Variants in SCAPER observed in about 807,000 individuals in gnomAD.
SCAPER encodes the protein S-phase cyclin A associated protein in the ER.
Under a neutral mutation model 182.2 loss-of-function variants are expected in SCAPER, and 98 were observed. That is an observed-to-expected ratio of 0.54 (90% confidence interval 0.46 to 0.64). The LOEUF (loss-of-function observed/expected upper bound fraction) is 0.64, where lower values mean the gene tolerates loss of function less well. Ranked by LOEUF, SCAPER falls within the 30% of genes least tolerant of loss-of-function variation. The pLI is 0.00. For synonymous variants in SCAPER, 605 were observed against 564.6 expected, an observed-to-expected ratio of 1.07 and a Z score of -1.01; for missense variants, 1,432 against 1,690.0, an observed-to-expected ratio of 0.85 and a Z score of 2.68.
chr15:76,670,174 T>C (rs1382317159), intron 20 of SCAPER, among the ~76,000 whole-genome samples: 5 of 151,874 alleles, frequency 3.3e-5, no homozygotes, highest in Non-Finnish European at 7.4e-5. Flanking sequence ...GTGTTCATTA[T>C]ACAAAATATA....
chr15:76,800,242 T>C lies in SCAPER; in HGVS notation c.611+6A>G, dbSNP rs1165354748. ...GTCTTAGTAGTTTTTTCTTAGTTCA[T>C]CTCACCCAAAATTTAAGCTTCGTCG... On this transcript the variant is annotated splice_donor_region_variant and intron_variant, in intron 7 of 31. Transcript: ENST00000563290. 6.4e-7 allele frequency: 1 copy of C among 1,555,082 alleles called. No individual in the cohort carries two copies. Among genetic ancestry groups the C allele is most frequent in the Admixed American group, 1.7e-5 (1 of 58,826 alleles).
At chr15:76,519,069 A>G (rs1013968715) in intron 23 of SCAPER, among the ~76,000 whole-genome samples, 1 of 152,222 alleles carries the variant, frequency 6.6e-6, no homozygotes, top group Non-Finnish European at 1.5e-5. Flanking sequence ...AACTCAGAAG[A>G]GTCGTTAAGC....
At chr15:76,569,666 C>T (rs767097892) in intron 23 of SCAPER, among the ~76,000 whole-genome samples, 6 of 152,058 alleles carry the variant, frequency 3.9e-5, no homozygotes, top group Non-Finnish European at 7.4e-5. Flanking sequence ...TCTAATTATA[C>T]ATAAATTAGA....
At chr15:76,615,357 G>T (rs1430905017) in intron 22 of SCAPER, among the ~76,000 whole-genome samples, 2 of 151,504 alleles carry the variant, frequency 1.3e-5, no homozygotes, top group African/African-American at 4.9e-5. Context: ...GAAGTGGGAG[G>T]ATCCTTTGAA....
intron 22 of SCAPER, among the ~76,000 whole-genome samples, chr15:76,618,558 TA>T: frequency 6.6e-6 from 1 of 152,312 alleles, no homozygotes; most frequent in African/African-American, 2.4e-5. Context: ...TTTCCATTTA[TA>T]AAAGTCTTTT....
chr15:76,844,004 C>T (rs985224181), intron 4 of SCAPER, among the ~76,000 whole-genome samples: 1 of 152,004 alleles, frequency 6.6e-6, no homozygotes, highest in Non-Finnish European at 1.5e-5. Flanking sequence ...ATTACCAGTA[C>T]TAATATTATC....
intron 24 of SCAPER, among the ~76,000 whole-genome samples, chr15:76,483,294 G>GC (rs1470883446): frequency 1.8e-4 from 7 of 39,400 alleles, no homozygotes; most frequent in African/African-American, 3.9e-4. Flanking sequence ...ATATTCACAT[G>GC]CAAAAAAAAA....
At chr15:76,721,568 T>C (rs1458396546) in intron 17 of SCAPER, among the ~76,000 whole-genome samples, 1 of 152,098 alleles carries the variant, frequency 6.6e-6, no homozygotes. Context: ...GCATGGAATG[T>C]TCTTCCATTT....
intron 22 of SCAPER, among the ~76,000 whole-genome samples, chr15:76,603,785 T>C (rs1318888947): frequency 8.2e-6 from 1 of 122,500 alleles, no homozygotes; most frequent in African/African-American, 2.5e-5. Context: ...TGGACAGTGA[T>C]GATGAGCATT....
rs187366885 is a variant in SCAPER at position 76,709,691 on chromosome 15, C to T, written c.2166-3707G>A. On this transcript the variant is annotated intron_variant, in intron 17 of 31. Coordinates refer to ENST00000563290, the MANE Select transcript of SCAPER (RefSeq NM_020843.4). ...ATGATTTCTCAAATAGAGCAGGAAA[C>T]ATTCTGTAAGGCCAGAATTGCCATA... 7.9e-5 allele frequency among the ~76,000 whole-genome samples: 12 copies of T among 152,254 alleles called. No individual in the cohort carries two copies. The East Asian group carries it at 2.3e-3, about 29-fold the overall frequency.
chr15:76,854,037 G>A (rs1475135843), intron 4 of SCAPER, among the ~76,000 whole-genome samples: 2 of 151,956 alleles, frequency 1.3e-5, no homozygotes, highest in South Asian at 2.1e-4. Context: ...TTGGGAGGCC[G>A]AGGCAGGCGG....
At chr15:76,476,595 A>ATTTT (rs5813839) in intron 24 of SCAPER, among the ~76,000 whole-genome samples, 4,723 of 73,518 alleles carry the variant, frequency 0.064, 1,006 homozygotes, top group South Asian at 0.084. Context: ...CACCCAGCTA[A>ATTTT]TTTTTTTTTT....
chr15:76,751,284 GT>G (rs1281621481), intron 15 of SCAPER, among the ~76,000 whole-genome samples: 2 of 151,702 alleles, frequency 1.3e-5, no homozygotes. Flanking sequence ...ACTTAATATT[GT>G]TAAGATATCA....
In SCAPER at chr15:76,686,865, T is replaced by G. The variant is rs148964481; in HGVS notation, c.2508+14893A>C. Among the ~76,000 whole-genome samples, 431 of 152,218 alleles carry G rather than the reference T, an allele frequency of 2.8e-3. 1 individual carries two copies. The highest frequency in any genetic ancestry group is 6.8e-3 in the Middle Eastern group (2 of 294). On this transcript the variant is annotated intron_variant, in intron 20 of 31. Transcript: ENST00000563290. ...AAAATAAAAGTATACATTTTAGGAA[T>G]AGACCTACATTCAAAAAAATCAAAA...
intron 24 of SCAPER, among the ~76,000 whole-genome samples, chr15:76,484,647 G>C (rs538354882): frequency 4.6e-5 from 7 of 151,966 alleles, no homozygotes; most frequent in Non-Finnish European, 8.8e-5. Flanking sequence ...TATGAGGCGA[G>C]CATCACCTCA....
intron 26 of SCAPER, among the ~76,000 whole-genome samples, chr15:76,414,608 C>A (rs555668213): frequency 3.3e-5 from 5 of 152,020 alleles, no homozygotes; most frequent in African/African-American, 9.6e-5. Flanking sequence ...ATGGAAAAGA[C>A]CAAACAGTTA....
At chr15:76,375,051 G>A (rs940014311) in intron 29 of SCAPER, among the ~76,000 whole-genome samples, 6 of 151,128 alleles carry the variant, frequency 4.0e-5, no homozygotes, top group African/African-American at 1.5e-4. Flanking sequence ...ATGTGGCAAA[G>A]CCCCGTCTCT....
At chr15:76,681,715 G>C (rs970450772) in intron 20 of SCAPER, among the ~76,000 whole-genome samples, 1 of 152,138 alleles carries the variant, frequency 6.6e-6, no homozygotes, top group African/African-American at 2.4e-5. Context: ...TCTCTCCACA[G>C]ATCCCTGGAA....
chr15:76,805,164 T>C (rs1251728643), intron 5 of SCAPER, among the ~76,000 whole-genome samples: 2 of 152,262 alleles, frequency 1.3e-5, no homozygotes, highest in African/African-American at 2.4e-5. Context: ...TATTTGTTTA[T>C]TCATTTATCA....
Sources: gnomAD v4.1 joint callset for allele counts (sites outside exome capture counted in the v4.1 genomes callset) on GRCh38, gnomAD v4.1.1 for gene constraint, MANE v1.5 for transcripts, NCBI Gene and HGNC (gene_info 2026-07-23, HGNC 2026-07-21) for gene names.